The following ACTR8 variants were observed in gnomAD, a reference collection of about 807,000 sequenced individuals.
ACTR8 encodes actin-related protein 8.
Under a neutral mutation model 84.3 loss-of-function variants are expected in ACTR8, and 70 were observed. The ratio of observed to expected loss-of-function variants is 0.83; its 90% CI spans 0.68 to 1.01. The LOEUF (loss-of-function observed/expected upper bound fraction) is 1.01, where lower values mean the gene tolerates loss of function less well. Among genes scored for constraint, ACTR8 ranks in the 50% least tolerant of loss-of-function variants. The pLI is 0.00. For synonymous variants in ACTR8, 268 were observed against 275.2 expected (o/e 0.97, Z 0.26); for missense variants, 672 against 775.4 (o/e 0.87, Z 1.58).
At chr3:53,860,177 C>T in the ACTR8 span, 1 of 1,614,110 alleles carries the variant, frequency 6.2e-7, no homozygotes, top group Non-Finnish European at 8.5e-7. Context: ...GCTGTCTCTG[C>T]TGGTGGCCAC....
chr3:53,881,231 G>A (rs538924539), intron 1 of ACTR8, among the ~76,000 whole-genome samples: 1 of 152,320 alleles, frequency 6.6e-6, no homozygotes, highest in East Asian at 1.9e-4. Context: ...CTGGATCAGA[G>A]ATGTCCTACA....
chr3:53,875,353 T>A (rs569726638), intron 7 of ACTR8, among the ~76,000 whole-genome samples: 1 of 152,314 alleles, frequency 6.6e-6, no homozygotes, highest in Non-Finnish European at 1.5e-5. Context: ...CAAGAAGCCA[T>A]CTCTGGAGCA....
chr3:53,874,421 G>C (rs918671596), intron 7 of ACTR8, 57 bp from the exon 8 acceptor site: 4 of 1,553,704 alleles, frequency 2.6e-6, no homozygotes, highest in Non-Finnish European at 3.5e-6. Flanking sequence ...GGTGCAAAAG[G>C]TGTTTGAAGA....
At position 53,868,458 on chromosome 3, in the gene ACTR8, T is replaced by G; in HGVS notation, c.*261A>C. On this transcript the variant is annotated 3_prime_UTR_variant, in exon 13 of 13. Transcript: ENST00000335754. Reference sequence around the variant, plus strand: ...TAGCAACGTTTACATCACTGGGGAGTTTATGAGACCCTGAGAGAGGGCAAG... The same window carrying G: ...TAGCAACGTTTACATCACTGGGGAGGTTATGAGACCCTGAGAGAGGGCAAG... 1 of 419,362 alleles carries G rather than the reference T, an allele frequency of 2.4e-6. No individual in the cohort carries two copies. Among genetic ancestry groups the G allele is most frequent in the Non-Finnish European group, 4.2e-6 (1 of 237,542 alleles). The allele number at this position is 419,362 out of a possible 1,614,324, so 26.0% of individuals were successfully genotyped here. A position where few individuals can be genotyped will look rare whatever the true frequency, so the allele number is the denominator to read the frequency against.
chr3:53,875,878 C>A (rs909066906), intron 7 of ACTR8, 70 bp downstream of exon 7: 26 of 1,567,586 alleles, frequency 1.7e-5, no homozygotes, highest in African/African-American at 5.4e-5. Flanking sequence ...CCTGTGATTT[C>A]TTATTATTTA....
rs1336738979 is a variant in ACTR8 at position 53,870,297 on chromosome 3, G to A, written c.1568-152C>T. 1.1e-5 allele frequency: 9 copies of A among 855,470 alleles called. No homozygotes were observed. The East Asian group carries it at 2.0e-4, about 19-fold the overall frequency. 53.0% of individuals were successfully genotyped at this position (855,470 alleles called of 1,614,324 possible). On this transcript the variant is annotated intron_variant, in intron 11 of 12. Coordinates refer to ENST00000335754, the MANE Select transcript of ACTR8 (RefSeq NM_022899.5). This position sits in a 1 kb window ranked among gnomAD's most constrained non-coding sequence, Gnocchi z 4.1. ...CACACTGCAGCCAGGGGAACCCTAC[G>A]AAACACAAATGTAGGCATGTTGCCA...
intron 10 of ACTR8, 87 bp downstream of exon 10, chr3:53,872,297 G>C: frequency 1.5e-6 from 2 of 1,363,256 alleles, no homozygotes; most frequent in Non-Finnish European, 1.9e-6. Context: ...CTGGAAGATA[G>C]AACTGATTAC....
downstream of ACTR8, chr3:53,864,711 G>C (rs368914735): frequency 1.4e-6 from 2 of 1,478,186 alleles, no homozygotes. Context: ...GCTGTTTGCT[G>C]TTCACAGATA....
the ACTR8 span, among the ~76,000 whole-genome samples, chr3:53,861,999 C>T: frequency 6.6e-6 from 1 of 152,140 alleles, no homozygotes; most frequent in African/African-American, 2.4e-5. Flanking sequence ...AACCCCCTGG[C>T]CTTGAAGGGA....
downstream of ACTR8, among the ~76,000 whole-genome samples, chr3:53,864,376 A>C (rs1053620517): frequency 1.3e-5 from 2 of 152,146 alleles, no homozygotes; most frequent in Non-Finnish European, 2.9e-5. Flanking sequence ...CTCTACTAAA[A>C]GTACAAAAAT....
At chr3:53,880,448 G>T (rs944766254) in intron 1 of ACTR8, among the ~76,000 whole-genome samples, 1 of 152,162 alleles carries the variant, frequency 6.6e-6, no homozygotes, top group South Asian at 2.1e-4. Context: ...CTGAATTCAC[G>T]GATCTGTCTG....
rs151232340 is a variant in ACTR8, at chr3:53,877,356, T to C, written c.542A>G (p.Asn181Ser). Residue 181 changes from asparagine (N) to serine (S), a missense_variant, in exon 5 of 13, where the codon AAT (asparagine) becomes AGT (serine). Transcript: ENST00000335754. ...ALYVNPLDCY[N>S]IHWPIRRGQL... ...ACCTCTTCTGATAGGCCAGTGAATA[T>C]TGTAACAGTCCAGTGGATTAACATA... 162 of 1,613,048 alleles carry C rather than the reference T, an allele frequency of 1.0e-4. No homozygotes were observed. The African/African-American group carries it at 1.5e-3, about 15-fold the overall frequency.
chr3:53,861,477 G>C, the ACTR8 span: 3 of 152,132 alleles, frequency 2.0e-5, no homozygotes, highest in Non-Finnish European at 4.4e-5. Context: ...TGAAAACCTT[G>C]CACATTTTGC....
In ACTR8 at chr3:53,876,727, C is replaced by A; in HGVS notation, c.685-14G>T. ...ACATCTATAATACTAAAAAGAAGAA[C>A]AAAGATAAAAGGGTTAGCACTCAAG... On this transcript the variant is annotated splice_polypyrimidine_tract_variant and intron_variant, in intron 5 of 12. Transcript: ENST00000335754. The A allele has an allele frequency of 7.1e-7, 1 of 1,404,974 alleles. No individual in the cohort carries two copies. Among genetic ancestry groups the A allele is most frequent in the South Asian group, 1.2e-5 (1 of 80,608 alleles). 87.0% of individuals were successfully genotyped at this position (1,404,974 alleles called of 1,614,324 possible).
intron 5 of ACTR8, 105 bp downstream of exon 5, chr3:53,877,109 A>G: frequency 1.7e-6 from 2 of 1,149,478 alleles, no homozygotes; most frequent in Non-Finnish European, 2.4e-6. Flanking sequence ...CTGAAGGTCA[A>G]GAATGTTTCA....
In ACTR8 at chr3:53,878,461, C is replaced by A. The variant is rs1700009052; in HGVS notation, c.301G>T (p.Glu101Ter). ...WLLREGLNKP[E>*]SNEQRQNGLK... ...CCATTTTGTCTTTGTTCATTACTTTCTGGTTTCTGGGGAAAAAATGAAAGA... is the reference window on the plus strand; with the variant it reads ...CCATTTTGTCTTTGTTCATTACTTTATGGTTTCTGGGGAAAAAATGAAAGA... Residue 101 changes from glutamate (E) to a stop codon, truncating the protein, a stop_gained, in exon 3 of 13, where the codon GAA (glutamate) becomes TAA (stop). Coordinates refer to ENST00000335754, the MANE Select transcript of ACTR8 (RefSeq NM_022899.5). LOFTEE classifies it high-confidence loss of function. 1 of 1,605,950 alleles carries A rather than the reference C, an allele frequency of 6.2e-7. No individual in the cohort carries two copies. Among genetic ancestry groups the A allele is most frequent in the African/African-American group, 1.3e-5 (1 of 74,548 alleles).
chr3:53,875,773 C>T (rs888236732), intron 7 of ACTR8, among the ~76,000 whole-genome samples, 175 bp downstream of exon 7: 1 of 152,190 alleles, frequency 6.6e-6, no homozygotes. Context: ...TAAAATGATT[C>T]GTTTTAGTTT....
At position 53,868,647 on chromosome 3, in the gene ACTR8, C is replaced by G. The variant is rs1475401403; in HGVS notation, c.*72G>C. The G allele has an allele frequency of 6.4e-7, 1 of 1,569,588 alleles. No individual in the cohort carries two copies. The highest frequency in any genetic ancestry group is 8.6e-7 in the Non-Finnish European group (1 of 1,158,194). On this transcript the variant is annotated 3_prime_UTR_variant, in exon 13 of 13. Coordinates refer to ENST00000335754, the MANE Select transcript of ACTR8 (RefSeq NM_022899.5). ...GCATCCAGATCAATAAATTACAATA[C>G]ACATATTCTGTAAGAGTCTTTTATA...
At chr3:53,864,653 C>A, downstream of ACTR8, 1 of 966,882 alleles carries the variant, frequency 1.0e-6, no homozygotes, top group Non-Finnish European at 1.6e-6. Context: ...AGCTGACATT[C>A]TCTAGCAAGG....
Sources: allele counts gnomAD v4.1 joint callset (sites outside exome capture counted in the v4.1 genomes callset), GRCh38; gene constraint gnomAD v4.1.1; non-coding constraint Gnocchi (gnomAD v3.1); transcripts MANE v1.5; gene names NCBI Gene and HGNC (gene_info 2026-07-23, HGNC 2026-07-21).